ZBTB8A: variants seen among roughly 807,000 people sequenced by gnomAD.
ZBTB8A encodes zinc finger and BTB domain-containing protein 8A.
A neutral mutation model predicts 37.8 loss-of-function variants in ZBTB8A; 19 were observed. That is an observed-to-expected ratio of 0.50 (90% CI 0.35 to 0.74). ZBTB8A has a LOEUF of 0.74. ZBTB8A is among the 30% of genes least tolerant of loss of function. ZBTB8A has a pLI of 0.01. For missense variants in ZBTB8A, 394 were observed against 537.8 expected (o/e 0.73, Z 2.65); for synonymous variants, 181 against 185.2 (o/e 0.98, Z 0.19).
At chr1:32,541,417 C>G (rs1472712190) in intron 1 of ZBTB8A, among the ~76,000 whole-genome samples, 1 of 152,192 alleles carries the variant, frequency 6.6e-6, no homozygotes, top group Non-Finnish European at 1.5e-5. Flanking sequence ...CCCAGACACC[C>G]ACATGACTCT....
intron 3 of ZBTB8A, 51 bp downstream of exon 3, chr1:32,593,805 T>A: frequency 7.1e-7 from 1 of 1,403,020 alleles, no homozygotes; most frequent in Non-Finnish European, 9.8e-7. Context: ...ACTGCTATAT[T>A]AATCAGTCTA....
At chr1:32,597,477 T>C (rs528012535) in intron 4 of ZBTB8A, among the ~76,000 whole-genome samples, 72 of 152,308 alleles carry the variant, frequency 4.7e-4, no homozygotes, top group African/African-American at 1.7e-3. Flanking sequence ...ATTTTGAAAG[T>C]GTCCTTGTTC....
At chr1:32,564,125 C>T (rs1181550159) in intron 2 of ZBTB8A, among the ~76,000 whole-genome samples, 1 of 152,150 alleles carries the variant, frequency 6.6e-6, no homozygotes, top group Non-Finnish European at 1.5e-5. Flanking sequence ...AGTGACAGCA[C>T]TCAGAAAGGG....
chr1:32,595,707 T>G (rs1395721130), intron 4 of ZBTB8A, among the ~76,000 whole-genome samples: 1 of 151,366 alleles, frequency 6.6e-6, no homozygotes, highest in Non-Finnish European at 1.5e-5. Flanking sequence ...TGGAGTGCAG[T>G]GGTGCCATCT....
chr1:32,539,945 C>A (rs1644038428), intron 1 of ZBTB8A, among the ~76,000 whole-genome samples: 2 of 150,790 alleles, frequency 1.3e-5, no homozygotes, highest in Non-Finnish European at 3.0e-5. Context: ...GGAGCAAAGA[C>A]GGGCGGCCGC....
chr1:32,594,413 TTAAA>T (rs1209380169), intron 3 of ZBTB8A, among the ~76,000 whole-genome samples: 1 of 152,052 alleles, frequency 6.6e-6, no homozygotes, highest in African/African-American at 2.4e-5. Flanking sequence ...TATTTTCACT[TTAAA>T]TAGTTTTTTT....
At chr1:32,597,114 C>G (rs573101858) in intron 4 of ZBTB8A, among the ~76,000 whole-genome samples, 2 of 152,116 alleles carry the variant, frequency 1.3e-5, no homozygotes, top group Admixed American at 6.6e-5. Context: ...TCAAACAATT[C>G]TCCTGTCTCA....
intron 2 of ZBTB8A, among the ~76,000 whole-genome samples, chr1:32,585,949 G>T (rs1570360752): frequency 6.6e-6 from 1 of 151,102 alleles, no homozygotes; most frequent in Non-Finnish European, 1.5e-5. Context: ...GTTGCGGTGA[G>T]CCAAGATCGC....
chr1:32,572,163 G>C (rs1471455697), intron 2 of ZBTB8A, among the ~76,000 whole-genome samples: 1 of 152,058 alleles, frequency 6.6e-6, no homozygotes, highest in Admixed American at 6.6e-5. Context: ...AGTAATACTG[G>C]CCTCATAAAA....
In ZBTB8A at chr1:32,542,212, C is replaced by T. The variant is rs75053391; in HGVS notation, c.-84+2640C>T. On this transcript the variant is annotated intron_variant, in intron 1 of 4. Transcript: ENST00000373510. ...GCTAACAAGATTAGTTTTGCTGACC[C>T]TGGTGGGACACATTAAATTTTAGAT... Among the ~76,000 whole-genome samples, 352 of 152,044 alleles carry T rather than the reference C, an allele frequency of 2.3e-3. 10 individuals carry two copies. The East Asian group carries it at 0.054, about 23-fold the overall frequency.
At chr1:32,582,372 G>A (rs1644413504) in intron 2 of ZBTB8A, among the ~76,000 whole-genome samples, 1 of 152,128 alleles carries the variant, frequency 6.6e-6, no homozygotes, top group Non-Finnish European at 1.5e-5. Flanking sequence ...ACCTGGCTGG[G>A]TGCAGTGGCT....
chr1:32,572,549 C>T (rs778547077), intron 2 of ZBTB8A, among the ~76,000 whole-genome samples: 35 of 152,020 alleles, frequency 2.3e-4, no homozygotes, highest in Non-Finnish European at 4.4e-4. Flanking sequence ...GCACACACCA[C>T]CACACCTGGC....
At chr1:32,563,102 T>A (rs3004081) in intron 2 of ZBTB8A, among the ~76,000 whole-genome samples, 16,844 of 152,232 alleles carry the variant, frequency 0.11, 1,101 homozygotes, top group Middle Eastern at 0.2. Context: ...TTTTAACTCT[T>A]ATTTTCTGTT....
intron 2 of ZBTB8A, among the ~76,000 whole-genome samples, chr1:32,581,272 A>G (rs1570355400): frequency 1.9e-5 from 1 of 52,188 alleles, no homozygotes; most frequent in Non-Finnish European, 3.7e-5. Context: ...TTAATATAAT[A>G]ATACAATATT....
chr1:32,598,017 G>C (rs1644546142), intron 4 of ZBTB8A, among the ~76,000 whole-genome samples: 1 of 151,036 alleles, frequency 6.6e-6, no homozygotes, highest in South Asian at 2.1e-4. Context: ...ACTTCCCAAA[G>C]TGCTGGGATT....
At chr1:32,595,008 A>T in intron 3 of ZBTB8A, 46 bp from the exon 4 acceptor site, 1 of 1,496,214 alleles carries the variant, frequency 6.7e-7, no homozygotes, top group Non-Finnish European at 9.0e-7. Context: ...TGTTATTAGA[A>T]TTGTTATGAA....
chr1:32,557,549 A>G (rs1056758892), intron 2 of ZBTB8A, among the ~76,000 whole-genome samples: 1 of 152,170 alleles, frequency 6.6e-6, no homozygotes, highest in African/African-American at 2.4e-5. Context: ...TGCAGCCTCC[A>G]ACTCCTGGGC....
intron 2 of ZBTB8A, among the ~76,000 whole-genome samples, chr1:32,555,604 C>T (rs749769546): frequency 6.6e-5 from 10 of 152,122 alleles, no homozygotes; most frequent in Admixed American, 2.6e-4. Flanking sequence ...CCCATCCTGC[C>T]GCACAATCAT....
rs141371606 is a variant in ZBTB8A at position 32,555,623 on chromosome 1, C to T, written c.-2+2083C>T. Among the ~76,000 whole-genome samples the T allele has an allele frequency of 2.4e-3, 359 of 152,284 alleles. 2 individuals carry two copies. Among genetic ancestry groups the T allele is most frequent in the African/African-American group, 8.3e-3 (346 of 41,554 alleles). ...TCCTGCCGCACAATCATGGGCAATC[C>T]TCCAGGTTCCCCTCTCAGCCCATGC... On this transcript the variant is annotated intron_variant, in intron 2 of 4. Coordinates refer to ENST00000373510, the MANE Select transcript of ZBTB8A (RefSeq NM_001040441.3).
Sources: allele counts gnomAD v4.1 joint callset (sites outside exome capture counted in the v4.1 genomes callset), GRCh38; gene constraint gnomAD v4.1.1; transcripts MANE v1.5; gene names NCBI Gene and HGNC (gene_info 2026-07-23, HGNC 2026-07-21).